The following NFIA variants were observed in gnomAD, a reference collection of about 807,000 sequenced individuals.
The protein encoded by NFIA is nuclear factor I A.
A neutral mutation model predicts 62.8 loss-of-function variants in NFIA; 8 were observed. That is an observed-to-expected ratio of 0.13 (90% confidence interval 0.07 to 0.23). The LOEUF (loss-of-function observed/expected upper bound fraction) is 0.23, where lower values mean the gene tolerates loss of function less well. Ranked by LOEUF, NFIA falls within the 10% of genes least tolerant of loss-of-function variation. The pLI is 1.00. For missense variants in NFIA, 410 were observed against 642.1 expected, an observed-to-expected ratio of 0.64 and a Z score of 3.91; for synonymous variants, 235 against 238.1, an observed-to-expected ratio of 0.99 and a Z score of 0.12.
intron 3 of NFIA, among the ~76,000 whole-genome samples, chr1:61,282,982 A>C (rs1053639081): frequency 6.6e-6 from 1 of 152,168 alleles, no homozygotes; most frequent in Admixed American, 6.5e-5. Context: ...AATCAGTGGA[A>C]GCCCATTAAT....
At chr1:61,200,024 A>G (rs1019211347) in intron 2 of NFIA, among the ~76,000 whole-genome samples, 525 of 27,220 alleles carry the variant, frequency 0.019, 23 homozygotes, top group African/African-American at 0.076. Flanking sequence ...ATATATATAT[A>G]TATATATATA....
intron 3 of NFIA, among the ~76,000 whole-genome samples, chr1:61,319,912 T>C (rs1660587475): frequency 6.6e-6 from 1 of 151,516 alleles, no homozygotes; most frequent in African/African-American, 2.4e-5. Flanking sequence ...TGGGCAGAGA[T>C]TGTGCAGTCT....
At chr1:61,242,612 A>G (rs1021290898) in intron 2 of NFIA, among the ~76,000 whole-genome samples, 1 of 152,190 alleles carries the variant, frequency 6.6e-6, no homozygotes, top group Non-Finnish European at 1.5e-5. Context: ...GATCCTTTAA[A>G]AAATAGACAG....
chr1:61,269,610 G>A (rs1164805578), intron 2 of NFIA, among the ~76,000 whole-genome samples: 1 of 152,106 alleles, frequency 6.6e-6, no homozygotes. Flanking sequence ...TTATTTCATG[G>A]GATTATGGTC....
intron 3 of NFIA, among the ~76,000 whole-genome samples, chr1:61,321,752 C>T (rs1660690595): frequency 6.6e-6 from 1 of 151,742 alleles, no homozygotes; most frequent in Non-Finnish European, 1.5e-5. Flanking sequence ...TTGTGTGATG[C>T]CATGGATCTG....
intron 2 of NFIA, among the ~76,000 whole-genome samples, chr1:61,231,480 T>C (rs1244462971): frequency 6.6e-6 from 1 of 152,212 alleles, no homozygotes; most frequent in East Asian, 1.9e-4. Context: ...CATAATGTTT[T>C]TAAAATAGTA....
rs72915735 is a variant in NFIA at position 61,421,120 on chromosome 1, G to A, written c.1421-5345G>A. Among the ~76,000 whole-genome samples, 1,324 of 152,222 alleles carry A rather than the reference G, an allele frequency of 8.7e-3. 14 individuals carry two copies. Among genetic ancestry groups the A allele is most frequent in the African/African-American group, 0.03 (1,252 of 41,520 alleles). ...CCCAGAGGCCCGCTCCATCTCCCCTGTAAGGCTTGTCCTGTTCCTCCTGCC... is the reference window on the plus strand; with the variant it reads ...CCCAGAGGCCCGCTCCATCTCCCCTATAAGGCTTGTCCTGTTCCTCCTGCC... On this transcript the variant is annotated intron_variant, in intron 9 of 10. Coordinates refer to ENST00000403491, the MANE Select transcript of NFIA (RefSeq NM_001134673.4).
intron 2 of NFIA, among the ~76,000 whole-genome samples, chr1:61,147,820 C>T (rs1170555175): frequency 6.6e-6 from 1 of 151,970 alleles, no homozygotes; most frequent in African/African-American, 2.4e-5. Flanking sequence ...AGAAAAGTAG[C>T]TTGGTGTGAG....
intron 4 of NFIA, among the ~76,000 whole-genome samples, chr1:61,345,529 G>A (rs1335308054): frequency 1.3e-5 from 2 of 152,158 alleles, no homozygotes; most frequent in African/African-American, 4.8e-5. Context: ...TCAGGCTGCA[G>A]ACTAGTACCA....
At chr1:61,435,579 G>A (rs1414073435) in intron 10 of NFIA, among the ~76,000 whole-genome samples, 2 of 152,098 alleles carry the variant, frequency 1.3e-5, no homozygotes, top group Non-Finnish European at 2.9e-5. Context: ...TCTAATATCA[G>A]GGAAAAGGCC....
intron 9 of NFIA, among the ~76,000 whole-genome samples, chr1:61,414,864 A>G (rs2100538533): frequency 6.6e-6 from 1 of 152,232 alleles, no homozygotes; most frequent in Admixed American, 6.5e-5. Context: ...TTCACTCTTT[A>G]GTGTACAGCT....
intron 2 of NFIA, among the ~76,000 whole-genome samples, chr1:61,257,869 TTTTTTTTC>T (rs1332795170): frequency 4.3e-5 from 6 of 139,588 alleles, no homozygotes; most frequent in Non-Finnish European, 9.3e-5. Flanking sequence ...CTGTTTTTTT[TTTTTTTTC>T]TTTTTTTCTT....
chr1:61,239,504 C>T (rs1438473184), intron 2 of NFIA, among the ~76,000 whole-genome samples: 1 of 152,016 alleles, frequency 6.6e-6, no homozygotes, highest in Admixed American at 6.6e-5. Flanking sequence ...AATATGTATT[C>T]TTCTTCAACA....
chr1:61,316,959 G>A (rs1215193679), intron 3 of NFIA, among the ~76,000 whole-genome samples: 2 of 152,080 alleles, frequency 1.3e-5, no homozygotes, highest in African/African-American at 4.8e-5. Flanking sequence ...TCTGCATTTA[G>A]TGTTAATATT....
At chr1:61,285,206 A>G (rs536772202) in intron 3 of NFIA, among the ~76,000 whole-genome samples, 4 of 152,256 alleles carry the variant, frequency 2.6e-5, no homozygotes, top group African/African-American at 9.6e-5. Context: ...CCTTTGACAG[A>G]GATATCCTTA....
chr1:61,162,229 T>A (rs1358474266), intron 2 of NFIA, among the ~76,000 whole-genome samples: 1 of 151,974 alleles, frequency 6.6e-6, no homozygotes, highest in Non-Finnish European at 1.5e-5. Flanking sequence ...GAGCGAGGAG[T>A]CACCTGGGAA....
intron 2 of NFIA, among the ~76,000 whole-genome samples, chr1:61,200,014 A>G (rs866155888): frequency 0.22 from 770 of 3,534 alleles, 12 homozygotes; most frequent in African/African-American, 0.28. Context: ...ATATATGTAT[A>G]TATATATATA....
At chr1:61,440,464 T>G (rs1043772657) in intron 10 of NFIA, among the ~76,000 whole-genome samples, 6 of 152,318 alleles carry the variant, frequency 3.9e-5, no homozygotes, top group Admixed American at 3.9e-4. Context: ...AGGCCTCCTT[T>G]TGAAGAAAGA....
intron 3 of NFIA, among the ~76,000 whole-genome samples, chr1:61,291,863 A>C (rs1419481308): frequency 2.0e-5 from 3 of 152,196 alleles, no homozygotes; most frequent in African/African-American, 7.2e-5. Context: ...TATACTACAT[A>C]ATATATGTAT....
Sources: gnomAD v4.1 joint callset for allele counts (sites outside exome capture counted in the v4.1 genomes callset) on GRCh38, gnomAD v4.1.1 for gene constraint, MANE v1.5 for transcripts, NCBI Gene and HGNC (gene_info 2026-07-23, HGNC 2026-07-21) for gene names.